TTC21B: variants seen among roughly 807,000 people sequenced by gnomAD.
The protein encoded by TTC21B is tetratricopeptide repeat domain 21B.
In TTC21B, 127 loss-of-function variants were observed where a neutral mutation model predicts 175.1. The ratio of observed to expected loss-of-function variants is 0.73; its 90% CI spans 0.63 to 0.84. The LOEUF (loss-of-function observed/expected upper bound fraction) is 0.84. Among genes scored for constraint, TTC21B ranks in the 40% least tolerant of loss-of-function variants. The pLI, the probability that TTC21B is intolerant of heterozygous loss-of-function variation, is 0.00. For synonymous variants in TTC21B, 524 were observed against 524.5 expected, an observed-to-expected ratio of 1.00 and a Z score of 0.01; for missense variants, 1,561 against 1,558.3, an observed-to-expected ratio of 1.00 and a Z score of -0.03.
At chr2:165,938,151 A>T (rs1687229392) in intron 6 of TTC21B, among the ~76,000 whole-genome samples, 1 of 152,082 alleles carries the variant, frequency 6.6e-6, no homozygotes, top group Non-Finnish European at 1.5e-5. Context: ...TAAAACAAAC[A>T]AACCTGAGCC....
rs1026835863 is a variant in TTC21B at position 165,874,647 on chromosome 2, A to G, written c.*108T>C. Reference sequence around the variant, plus strand: ...CAACCTCTGCTGGAGAAAAAAGGGTATACTTCTAATAACAAAGCACTGAGC... The same window carrying G: ...CAACCTCTGCTGGAGAAAAAAGGGTGTACTTCTAATAACAAAGCACTGAGC... On this transcript the variant is annotated 3_prime_UTR_variant, in exon 29 of 29. Coordinates refer to ENST00000243344, the MANE Select transcript of TTC21B (RefSeq NM_024753.5). 5 of 954,182 alleles carry G rather than the reference A, an allele frequency of 5.2e-6. No individual in the cohort carries two copies. The highest frequency in any genetic ancestry group is 4.9e-5 in the African/African-American group (3 of 61,428). The allele number at this position is 954,182 out of a possible 1,614,324, so 59.1% of individuals were successfully genotyped here.
At chr2:165,878,538 G>GTAGA (rs1284673854) in intron 27 of TTC21B, among the ~76,000 whole-genome samples, 1 of 149,828 alleles carries the variant, frequency 6.7e-6, no homozygotes, top group African/African-American at 2.5e-5. Context: ...ATGTGGGTGT[G>GTAGA]TAGATATATG....
intron 19 of TTC21B, among the ~76,000 whole-genome samples, chr2:165,903,353 A>G (rs1232391223): frequency 6.6e-6 from 1 of 152,216 alleles, no homozygotes; most frequent in African/African-American, 2.4e-5. Context: ...ACACTGCCTG[A>G]TCAAATAATT....
rs548889986 is a variant in TTC21B, at chr2:165,902,528, T to TC, written c.2569-619dup. On this transcript the variant is annotated intron_variant, in intron 19 of 28. Transcript: ENST00000243344. ...TTTGAAACAGGTTTTCTTTTTTTTTTCTCAAGCCAGAGGTTTAGACAGTCA... is the reference window on the plus strand; with the variant it reads ...TTTGAAACAGGTTTTCTTTTTTTTTTCCTCAAGCCAGAGGTTTAGACAGTCA... 1.9e-4 allele frequency among the ~76,000 whole-genome samples: 29 copies of TC among 152,256 alleles called. 1 individual carries two copies. The South Asian group carries it at 6.0e-3, about 32-fold the overall frequency.
intron 19 of TTC21B, among the ~76,000 whole-genome samples, chr2:165,904,674 C>T (rs1016514097): frequency 6.6e-6 from 1 of 152,222 alleles, no homozygotes; most frequent in South Asian, 2.1e-4. Flanking sequence ...GACAAACACT[C>T]TCTGTGGGAA....
intron 26 of TTC21B, among the ~76,000 whole-genome samples, chr2:165,882,530 T>C (rs796115560): frequency 5.3e-5 from 8 of 152,170 alleles, no homozygotes; most frequent in African/African-American, 1.7e-4. Context: ...CCCCTAGATC[T>C]TTCACACAAA....
chr2:165,890,142 A>T (rs1354227138), intron 24 of TTC21B, among the ~76,000 whole-genome samples: 2 of 152,210 alleles, frequency 1.3e-5, no homozygotes, highest in African/African-American at 4.8e-5. Flanking sequence ...TTTGTTAAGT[A>T]GTTACTATTA....
chr2:165,886,174 T>C (rs1684992076), intron 25 of TTC21B, among the ~76,000 whole-genome samples: 2 of 152,248 alleles, frequency 1.3e-5, no homozygotes, highest in Non-Finnish European at 2.9e-5. Flanking sequence ...CCTGTTAAAA[T>C]GCAATTTATC....
At chr2:165,889,050 A>G (rs548958699) in intron 24 of TTC21B, among the ~76,000 whole-genome samples, 7 of 152,210 alleles carry the variant, frequency 4.6e-5, no homozygotes, top group Admixed American at 1.3e-4. Context: ...CAGAAATTAT[A>G]TATGTGTCAA....
intron 6 of TTC21B, among the ~76,000 whole-genome samples, chr2:165,940,299 CAG>C (rs1187913039): frequency 3.3e-5 from 5 of 152,150 alleles, no homozygotes; most frequent in Non-Finnish European, 7.3e-5. Flanking sequence ...TTGCACATGG[CAG>C]AGTGATTCTT....
At chr2:165,944,292 TC>T (rs1404930137) in intron 4 of TTC21B, among the ~76,000 whole-genome samples, 2 of 152,148 alleles carry the variant, frequency 1.3e-5, no homozygotes, top group Admixed American at 6.5e-5. Context: ...ATAGATCACT[TC>T]CCTTTAAGAT....
At chr2:165,927,267 TA>T (rs1686696790) in intron 11 of TTC21B, among the ~76,000 whole-genome samples, 1 of 71,114 alleles carries the variant, frequency 1.4e-5, no homozygotes, top group South Asian at 4.7e-4. Context: ...TATATCCTAG[TA>T]GTTATATATA....
chr2:165,890,589 T>C lies in TTC21B; in HGVS notation c.3153A>G (p.Lys1051=). 3.1e-6 allele frequency: 5 copies of C among 1,613,828 alleles called. No homozygotes were observed. The highest frequency in any genetic ancestry group is 4.2e-6 in the Non-Finnish European group (5 of 1,179,768). The change falls in exon 24 of 29, where the codon AAA becomes AAG. Residue 1051 remains lysine, a synonymous_variant. Transcript: ENST00000243344. ...GGGCATTTTGGCCCCAGTCACGATC[T>C]TTCCGAGCTTTATTAAAATGTCGAA... ...DALRHFNKAR[K]DRDWGQNALY...
At chr2:165,912,394 T>A in intron 17 of TTC21B, 120 bp downstream of exon 17, 3 of 810,080 alleles carry the variant, frequency 3.7e-6, no homozygotes, top group Non-Finnish European at 6.5e-6. Flanking sequence ...TCCCAGTTCA[T>A]AAATACAGAT....
At chr2:165,921,569 T>C (rs535366435) in intron 12 of TTC21B, among the ~76,000 whole-genome samples, 2 of 152,274 alleles carry the variant, frequency 1.3e-5, no homozygotes, top group East Asian at 3.9e-4. Flanking sequence ...CCTCCAAATT[T>C]GCAGCTAGTC....
intron 27 of TTC21B, among the ~76,000 whole-genome samples, chr2:165,880,304 G>A (rs952219767): frequency 6.6e-6 from 1 of 152,096 alleles, no homozygotes; most frequent in African/African-American, 2.4e-5. Flanking sequence ...AGTGTTTAAA[G>A]GCTTTGAGAA....
chr2:165,886,136 C>T (rs1314382626), intron 25 of TTC21B, among the ~76,000 whole-genome samples: 1 of 152,154 alleles, frequency 6.6e-6, no homozygotes, highest in Non-Finnish European at 1.5e-5. Flanking sequence ...TTTTCCTCTT[C>T]CTCTGAAACA....
Position 165,878,272 on chromosome 2 carries a change from A to G in TTC21B, c.3806-2040T>C, listed in dbSNP as rs892697195. Among the ~76,000 whole-genome samples, 7 of 152,302 alleles carry G rather than the reference A, an allele frequency of 4.6e-5. No homozygotes were observed. In the East Asian group the frequency reaches 1.2e-3, roughly 25 times the overall value. On this transcript the variant is annotated intron_variant, in intron 27 of 28. Coordinates refer to ENST00000243344, the MANE Select transcript of TTC21B (RefSeq NM_024753.5). ...AAATTTCAGAGGAAATAAAGACCTA[A>G]GAAGGGGAAAGAAAATGTGCACTGC... is the stretch of plus-strand genomic sequence containing the variant.
intron 19 of TTC21B, among the ~76,000 whole-genome samples, chr2:165,902,482 A>C (rs1685601789): frequency 6.6e-6 from 1 of 152,214 alleles, no homozygotes; most frequent in Non-Finnish European, 1.5e-5. Flanking sequence ...GAGTCTTGTC[A>C]AAATGTTAGC....
Sources: gnomAD v4.1 joint callset for allele counts (sites outside exome capture counted in the v4.1 genomes callset) on GRCh38, gnomAD v4.1.1 for gene constraint, MANE v1.5 for transcripts, NCBI Gene and HGNC (gene_info 2026-07-23, HGNC 2026-07-21) for gene names.